Variants in TIAM2 observed in about 807,000 individuals in gnomAD.
TIAM2 encodes the protein TIAM Rac1 associated GEF 2.
TIAM2 carries 80 observed loss-of-function variants against 152.9 expected under a neutral mutation model. The observed-to-expected ratio is 0.52, with a 90% CI of 0.44 to 0.63. TIAM2 has a LOEUF of 0.63. TIAM2 is among the 30% of genes least tolerant of loss of function. TIAM2 has a pLI of 0.00. For missense variants in TIAM2, 1,965 were observed against 2,120.1 expected, an observed-to-expected ratio of 0.93 and a Z score of 1.44; for synonymous variants, 804 against 838.0, an observed-to-expected ratio of 0.96 and a Z score of 0.70.
At position 155,099,001 on chromosome 6, in the gene TIAM2, A is replaced by G. The variant is rs919299829; in HGVS notation, c.-118+8622A>G. Among the ~76,000 whole-genome samples the G allele has an allele frequency of 1.4e-4, 22 of 152,286 alleles. No individual in the cohort carries two copies. The East Asian group carries it at 4.2e-3, about 29-fold the overall frequency. On this transcript the variant is annotated intron_variant, in intron 2 of 26. Transcript: ENST00000682666. ...TCAGGAGTTTGAGACCAGCCTGACC[A>G]ACACGGAGAAACTCCATCTTTACTA...
At chr6:155,173,734 C>T (rs1281289174) in intron 9 of TIAM2, among the ~76,000 whole-genome samples, 1 of 152,222 alleles carries the variant, frequency 6.6e-6, no homozygotes, top group Non-Finnish European at 1.5e-5. Flanking sequence ...TGGTATTCAT[C>T]TTCTCCTGGT....
At chr6:155,235,690 T>A (rs550941274) in intron 15 of TIAM2, among the ~76,000 whole-genome samples, 1 of 152,228 alleles carries the variant, frequency 6.6e-6, no homozygotes, top group South Asian at 2.1e-4. Flanking sequence ...ATGTTAAGTG[T>A]ACAAAAGGTG....
At chr6:155,251,782 A>G (rs1402705412) in intron 22 of TIAM2, among the ~76,000 whole-genome samples, 163 bp from the exon 23 acceptor site, 3 of 152,246 alleles carry the variant, frequency 2.0e-5, no homozygotes, top group African/African-American at 4.8e-5. Context: ...TAGTTCAAAT[A>G]TGAGCGAAAG....
Position 155,130,150 on chromosome 6 carries a change from G to T in TIAM2, c.927G>T (p.Gly309=). The T allele has an allele frequency of 6.2e-7, 1 of 1,614,138 alleles. No individual in the cohort carries two copies. The highest frequency in any genetic ancestry group is 1.1e-5 in the South Asian group (1 of 91,082). The change falls in exon 4 of 27, where the codon GGG becomes GGT. Residue 309 remains glycine, a synonymous_variant. Transcript: ENST00000682666. The stretch of plus-strand genomic sequence containing the variant: ...AACTGTACAAAGATGCCAACCTGGG[G>T]AGCCTCTCCCCCTCAGGTATCCGCC... ...LRELYKDANL[G]SLSPSGIRLS...
chr6:155,134,800 G>A (rs1358868889), intron 4 of TIAM2, among the ~76,000 whole-genome samples: 1 of 152,008 alleles, frequency 6.6e-6, no homozygotes. Context: ...CCGCCTCCCG[G>A]GTTCAAGCGA....
chr6:155,169,029 T>C, intron 9 of TIAM2: 6 of 1,040,886 alleles, frequency 5.8e-6, no homozygotes, highest in Non-Finnish European at 8.1e-6. Flanking sequence ...GGAGTCTGGC[T>C]CTGTTGCCCA....
Position 155,247,493 on chromosome 6 carries a change from G to A in TIAM2, c.3653-507G>A, listed in dbSNP as rs547066640. On this transcript the variant is annotated intron_variant, in intron 19 of 26. Coordinates refer to ENST00000682666, the MANE Select transcript of TIAM2 (RefSeq NM_012454.4). The stretch of plus-strand genomic sequence containing the variant: ...AGAGGCGCCCACCACCACGCCCGGC[G>A]AATTTTTGTATTTTTAGTAGAGACG... Among the ~76,000 whole-genome samples the A allele has an allele frequency of 1.2e-3, 185 of 151,910 alleles. 1 individual carries two copies. Among genetic ancestry groups the A allele is most frequent in the African/African-American group, 4.1e-3 (171 of 41,432 alleles).
chr6:155,144,508 A>G, intron 5 of TIAM2, 98 bp from the exon 6 acceptor site: 1 of 1,181,876 alleles, frequency 8.5e-7, no homozygotes, highest in Non-Finnish European at 1.1e-6. Flanking sequence ...TGATTGTCTC[A>G]CTCAGGTGTT....
At chr6:155,079,800 C>T (rs139118245) in intron 1 of TIAM2, among the ~76,000 whole-genome samples, 20 of 152,222 alleles carry the variant, frequency 1.3e-4, no homozygotes, top group African/African-American at 4.1e-4. Context: ...TACAAAAAAT[C>T]AGCTGGGCGT....
chr6:154,997,004 A>G (rs1583142249), intron 1 of TIAM2, among the ~76,000 whole-genome samples: 1 of 101,324 alleles, frequency 9.9e-6, no homozygotes, highest in African/African-American at 2.9e-5. Flanking sequence ...TTCACATACC[A>G]TACTAAGATG....
chr6:155,170,455 A>G (rs544180795), intron 9 of TIAM2, among the ~76,000 whole-genome samples: 1 of 152,254 alleles, frequency 6.6e-6, no homozygotes, highest in African/African-American at 2.4e-5. Context: ...GTCTCTATCA[A>G]AAATGCAAAA....
At chr6:155,151,947 C>T (rs1047951119) in intron 7 of TIAM2, among the ~76,000 whole-genome samples, 9 of 149,584 alleles carry the variant, frequency 6.0e-5, no homozygotes, top group East Asian at 2.0e-4. Context: ...CAGGTTCAAG[C>T]GATTCCCATG....
intron 1 of TIAM2, among the ~76,000 whole-genome samples, chr6:155,006,267 G>A (rs572047965): frequency 1.3e-5 from 2 of 152,288 alleles, no homozygotes; most frequent in South Asian, 2.1e-4. Context: ...CACTCTAGTG[G>A]TAGGGACAAA....
chr6:155,106,156 C>T (rs1164959389), intron 2 of TIAM2, among the ~76,000 whole-genome samples: 1 of 151,868 alleles, frequency 6.6e-6, no homozygotes, highest in African/African-American at 2.4e-5. Flanking sequence ...AGGCGTGTAT[C>T]ACCACACCTG....
At chr6:155,007,744 C>T (rs569770288) in intron 1 of TIAM2, among the ~76,000 whole-genome samples, 1 of 152,196 alleles carries the variant, frequency 6.6e-6, no homozygotes, top group South Asian at 2.1e-4. Context: ...TTAAAATGAC[C>T]TGTCTTAAAA....
intron 1 of TIAM2, among the ~76,000 whole-genome samples, chr6:155,064,745 C>T (rs942163644): frequency 3.9e-5 from 6 of 152,186 alleles, no homozygotes; most frequent in South Asian, 4.1e-4. Flanking sequence ...AGGCATCCTT[C>T]TTTCAGGCCG....
intron 1 of TIAM2, among the ~76,000 whole-genome samples, chr6:155,074,848 T>C (rs73792678): frequency 0.033 from 4,259 of 130,128 alleles, 252 homozygotes; most frequent in African/African-American, 0.12. Flanking sequence ...GTGGAGACTC[T>C]GTCTCAAAAA....
intron 7 of TIAM2, chr6:155,149,135 C>G (rs1480808501): frequency 6.0e-6 from 1 of 167,144 alleles, no homozygotes; most frequent in Non-Finnish European, 1.5e-5. Context: ...AGCTGTGGAG[C>G]TGGGAGGGCC....
chr6:155,079,794 A>G (rs1371578511), intron 1 of TIAM2, among the ~76,000 whole-genome samples: 2 of 152,176 alleles, frequency 1.3e-5, no homozygotes, highest in Admixed American at 1.3e-4. Flanking sequence ...TAAAAATACA[A>G]AAAATCAGCT....
Sources: allele counts gnomAD v4.1 joint callset (sites outside exome capture counted in the v4.1 genomes callset), GRCh38; gene constraint gnomAD v4.1.1; transcripts MANE v1.5; gene names NCBI Gene and HGNC (gene_info 2026-07-23, HGNC 2026-07-21).